Variants in SLC39A12 observed in about 807,000 individuals in gnomAD.
SLC39A12 encodes the protein solute carrier family 39 member 12.
Under a neutral mutation model 71.1 loss-of-function variants are expected in SLC39A12, and 63 were observed. That is an observed-to-expected ratio of 0.89 (90% confidence interval 0.72 to 1.09). The LOEUF (loss-of-function observed/expected upper bound fraction) is 1.09, where lower values mean the gene tolerates loss of function less well. Among genes scored for constraint, SLC39A12 ranks in the 50% least tolerant of loss-of-function variants. The pLI is 0.00. For missense variants in SLC39A12, 892 were observed against 812.6 expected (o/e 1.10, Z -1.19); for synonymous variants, 351 against 301.3 (o/e 1.16, Z -1.71).
chr10:18,028,191 T>C (rs2130886166), intron 12 of SLC39A12, among the ~76,000 whole-genome samples: 1 of 152,274 alleles, frequency 6.6e-6, no homozygotes, highest in Non-Finnish European at 1.5e-5. Flanking sequence ...GAGAGAAAAA[T>C]ACTTAAAGTA....
In SLC39A12 at chr10:17,959,634, C is replaced by T. The variant is rs183903972; in HGVS notation, c.262-1947C>T. ...CAATGCTTTCACTCTGTGGCTATGT[C>T]GTGGGGCTGCTTCTCAGATCCTGTG... is the stretch of plus-strand genomic sequence containing the variant. On this transcript the variant is annotated intron_variant, in intron 2 of 12. Transcript: ENST00000377369. Among the ~76,000 whole-genome samples the T allele has an allele frequency of 1.8e-3, 278 of 152,276 alleles. 1 individual carries two copies. The highest frequency in any genetic ancestry group is 0.014 in the Middle Eastern group (4 of 292).
chr10:18,038,363 A>G (rs978402010), intron 12 of SLC39A12, among the ~76,000 whole-genome samples: 1 of 152,128 alleles, frequency 6.6e-6, no homozygotes, highest in Non-Finnish European at 1.5e-5. Flanking sequence ...AATGGATTGG[A>G]CAATTGTTTT....
intron 12 of SLC39A12, among the ~76,000 whole-genome samples, chr10:18,033,013 G>T (rs919929744): frequency 6.6e-6 from 1 of 151,534 alleles, no homozygotes; most frequent in African/African-American, 2.4e-5. Flanking sequence ...CTTGATCATG[G>T]TGGATAAGCT....
intron 12 of SLC39A12, among the ~76,000 whole-genome samples, chr10:18,007,953 C>T (rs1288781812): frequency 6.6e-6 from 1 of 152,234 alleles, no homozygotes; most frequent in East Asian, 1.9e-4. Flanking sequence ...TTTTACCCAG[C>T]TCCTATTCAA....
intron 1 of SLC39A12, among the ~76,000 whole-genome samples, chr10:17,952,491 C>CT (rs11288880): frequency 0.068 from 8,715 of 128,486 alleles, 293 homozygotes; most frequent in South Asian, 0.1. Context: ...TTTCTTTTTT[C>CT]TTTTTTTTTT....
intron 12 of SLC39A12, among the ~76,000 whole-genome samples, chr10:18,028,728 C>A (rs933961456): frequency 1.3e-5 from 2 of 151,144 alleles, no homozygotes; most frequent in Non-Finnish European, 1.5e-5. Context: ...CTTTTCTTTT[C>A]TTTTTTTTTG....
chr10:18,014,368 A>G (rs1836319008), intron 12 of SLC39A12, among the ~76,000 whole-genome samples: 1 of 152,200 alleles, frequency 6.6e-6, no homozygotes, highest in Non-Finnish European at 1.5e-5. Flanking sequence ...GAAAAAATAT[A>G]CACCTACTGC....
chr10:18,011,924 G>A (rs1376508150), intron 12 of SLC39A12, among the ~76,000 whole-genome samples: 3 of 152,174 alleles, frequency 2.0e-5, no homozygotes, highest in Admixed American at 2.0e-4. Flanking sequence ...TTTTAAAGCT[G>A]AAGATTTTAA....
intron 5 of SLC39A12, 86 bp downstream of exon 5, chr10:17,978,160 T>C: frequency 8.8e-7 from 1 of 1,142,720 alleles, no homozygotes; most frequent in Non-Finnish European, 1.2e-6. Context: ...TGTAGAAAAC[T>C]TAAAGAGTAT....
At chr10:18,004,451 G>A (rs1258750882) in intron 12 of SLC39A12, 1 of 152,110 alleles carries the variant, frequency 6.6e-6, no homozygotes, top group Non-Finnish European at 1.5e-5. Flanking sequence ...AAATACAGGA[G>A]GCAGAAACCT....
chr10:18,039,828 C>T (rs1837169878), intron 12 of SLC39A12, among the ~76,000 whole-genome samples: 1 of 152,176 alleles, frequency 6.6e-6, no homozygotes. Context: ...AATACTATTT[C>T]TTCCCTATAC....
At chr10:17,963,781 G>C (rs1554848674) in intron 3 of SLC39A12, among the ~76,000 whole-genome samples, 2 of 152,144 alleles carry the variant, frequency 1.3e-5, no homozygotes, top group African/African-American at 4.8e-5. Flanking sequence ...TCCAGGTCTT[G>C]GTCTGCACGG....
chr10:17,979,645 AGCTTTCTGTGGAT>A (rs2130806574), intron 5 of SLC39A12, among the ~76,000 whole-genome samples: 1 of 152,328 alleles, frequency 6.6e-6, no homozygotes, highest in African/African-American at 2.4e-5. Flanking sequence ...ACACAAGTTT[AGCTTTCTGTGGAT>A]GCTTTCTGTA....
chr10:18,026,379 C>T (rs1297252556), intron 12 of SLC39A12, among the ~76,000 whole-genome samples: 2 of 152,056 alleles, frequency 1.3e-5, no homozygotes, highest in South Asian at 4.1e-4. Flanking sequence ...TTTTAGTTCA[C>T]CCCCTTCTTG....
At chr10:18,006,187 CTTTG>C (rs1008426734) in intron 12 of SLC39A12, among the ~76,000 whole-genome samples, 10 of 152,156 alleles carry the variant, frequency 6.6e-5, no homozygotes, top group South Asian at 4.1e-4. Flanking sequence ...CTAGCTAGAT[CTTTG>C]TTTGTTTGTT....
At chr10:18,007,576 C>G (rs1836064958) in intron 12 of SLC39A12, among the ~76,000 whole-genome samples, 1 of 152,162 alleles carries the variant, frequency 6.6e-6, no homozygotes. Context: ...AAAAGAATGG[C>G]TACTCCATAG....
intron 4 of SLC39A12, among the ~76,000 whole-genome samples, chr10:17,967,519 A>C (rs1423786622): frequency 6.6e-6 from 1 of 152,184 alleles, no homozygotes; most frequent in East Asian, 1.9e-4. Flanking sequence ...AATTCTTGAC[A>C]CTTTGACAGT....
intron 4 of SLC39A12, among the ~76,000 whole-genome samples, chr10:17,970,093 A>T (rs972549461): frequency 1.3e-5 from 2 of 151,590 alleles, no homozygotes; most frequent in East Asian, 3.9e-4. Context: ...AAATGAGTTC[A>T]CTTTAGGTGT....
At chr10:18,039,243 CTACACAAGATCT>C (rs1332801114) in intron 12 of SLC39A12, among the ~76,000 whole-genome samples, 1 of 152,062 alleles carries the variant, frequency 6.6e-6, no homozygotes, top group African/African-American at 2.4e-5. Flanking sequence ...GGAGAGGGAA[CTACACAAGATCT>C]TATTCCATAT....
Sources: allele counts gnomAD v4.1 joint callset (sites outside exome capture counted in the v4.1 genomes callset), GRCh38; gene constraint gnomAD v4.1.1; transcripts MANE v1.5; gene names NCBI Gene and HGNC (gene_info 2026-07-23, HGNC 2026-07-21).